The following PKD2 variants were observed in gnomAD, a reference collection of about 807,000 sequenced individuals.
PKD2 encodes the protein polycystin 2, transient receptor potential cation channel.
PKD2 carries 48 observed loss-of-function variants against 105.9 expected under a neutral mutation model. The ratio of observed to expected loss-of-function variants is 0.45; its 90% CI spans 0.36 to 0.58. The LOEUF (loss-of-function observed/expected upper bound fraction) is 0.58. Ranked by LOEUF, PKD2 falls within the 20% of genes least tolerant of loss-of-function variation. The probability of loss-of-function intolerance (pLI) is 0.00; values close to 1 mark genes in which losing one functional copy is unlikely to be tolerated. For synonymous variants in PKD2, 464 were observed against 481.1 expected (o/e 0.96, Z 0.46); for missense variants, 1,078 against 1,255.3 (o/e 0.86, Z 2.13).
chr4:88,018,661 G>A (rs768863037), intron 1 of PKD2, among the ~76,000 whole-genome samples: 28 of 152,170 alleles, frequency 1.8e-4, no homozygotes, highest in Non-Finnish European at 2.9e-4. Context: ...CCAAAACTGC[G>A]GTCACTCTCT....
chr4:88,043,510 C>T (rs910773467), intron 5 of PKD2, 53 bp downstream of exon 5: 29 of 1,312,484 alleles, frequency 2.2e-5, no homozygotes, highest in Non-Finnish European at 3.2e-5. Flanking sequence ...GTACATACAT[C>T]CTATTCTGGG....
intron 2 of PKD2, among the ~76,000 whole-genome samples, chr4:88,025,715 T>C (rs1329896117): frequency 6.6e-6 from 1 of 152,226 alleles, no homozygotes; most frequent in Non-Finnish European, 1.5e-5. Flanking sequence ...TCATCTCCAA[T>C]TGTAATCCCC....
At chr4:88,064,780 C>G (rs949743450) in intron 10 of PKD2, among the ~76,000 whole-genome samples, 13 of 151,734 alleles carry the variant, frequency 8.6e-5, no homozygotes, top group African/African-American at 3.1e-4. Flanking sequence ...GTCCCAGCTA[C>G]TTGTTGGGGG....
chr4:88,024,984 C>T lies in PKD2; in HGVS notation c.709+5413C>T, dbSNP rs190906469. On this transcript the variant is annotated intron_variant, in intron 2 of 14. Coordinates refer to ENST00000237596, the MANE Select transcript of PKD2 (RefSeq NM_000297.4). ...CCCATCTCTACTAAAAATACAAAAA[C>T]TAGCCAGGCGTGGTGGCAGGTGCCT... Among the ~76,000 whole-genome samples the T allele has an allele frequency of 2.5e-3, 374 of 151,948 alleles. 3 individuals are homozygous for T. Among genetic ancestry groups the T allele is most frequent in the African/African-American group, 8.7e-3 (359 of 41,476 alleles).
chr4:88,074,433 C>T (rs1721151697), intron 13 of PKD2, among the ~76,000 whole-genome samples: 1 of 152,176 alleles, frequency 6.6e-6, no homozygotes, highest in African/African-American at 2.4e-5. Flanking sequence ...CCATCATGCC[C>T]TACCCCCCCA....
chr4:88,051,190 G>A (rs144071961), intron 6 of PKD2, among the ~76,000 whole-genome samples: 1 of 152,078 alleles, frequency 6.6e-6, no homozygotes, highest in Non-Finnish European at 1.5e-5. Flanking sequence ...TTAAGGGACA[G>A]AAATGAGCAA....
At chr4:88,020,132 ATACAGTATCACCATTAT>A (rs1197844190) in intron 2 of PKD2, among the ~76,000 whole-genome samples, 2 of 152,218 alleles carry the variant, frequency 1.3e-5, no homozygotes, top group Non-Finnish European at 2.9e-5. Context: ...TTAACAATGA[ATACAGTATCACCATTAT>A]TACAGTATCA....
At chr4:88,070,434 C>T (rs926910425) in intron 13 of PKD2, among the ~76,000 whole-genome samples, 14 of 151,594 alleles carry the variant, frequency 9.2e-5, no homozygotes, top group East Asian at 7.7e-4. Flanking sequence ...CTCTGTTCGT[C>T]GTCATTTTTT....
At chr4:88,018,301 T>G (rs574033611) in intron 1 of PKD2, among the ~76,000 whole-genome samples, 40 of 152,300 alleles carry the variant, frequency 2.6e-4, no homozygotes, top group African/African-American at 9.4e-4. Flanking sequence ...AACTTACATA[T>G]TATTATAAGA....
At chr4:88,034,366 GA>G (rs1727260360) in intron 2 of PKD2, among the ~76,000 whole-genome samples, 1 of 151,928 alleles carries the variant, frequency 6.6e-6, no homozygotes, top group Non-Finnish European at 1.5e-5. Flanking sequence ...AATTTCCTAT[GA>G]TGCTTGAAAG....
intron 13 of PKD2, among the ~76,000 whole-genome samples, chr4:88,069,863 T>C (rs999893126): frequency 2.6e-5 from 4 of 152,192 alleles, no homozygotes; most frequent in Non-Finnish European, 5.9e-5. Context: ...CCTATTATTG[T>C]CAAATATATT....
chr4:88,063,487 T>C (rs902117682), intron 10 of PKD2, among the ~76,000 whole-genome samples: 1 of 149,452 alleles, frequency 6.7e-6, no homozygotes, highest in Non-Finnish European at 1.5e-5. Flanking sequence ...GCCGAGATCG[T>C]GCCATTGCAC....
intron 8 of PKD2, among the ~76,000 whole-genome samples, chr4:88,056,717 A>G (rs1353817802): frequency 6.6e-6 from 1 of 152,180 alleles, no homozygotes; most frequent in South Asian, 2.1e-4. Context: ...TTTTTTTTCC[A>G]AAGATCCCAA....
At chr4:88,037,968 C>A (rs965728849) in intron 3 of PKD2, among the ~76,000 whole-genome samples, 6 of 152,162 alleles carry the variant, frequency 3.9e-5, no homozygotes, top group Non-Finnish European at 8.8e-5. Context: ...AAAATCAGAG[C>A]TGCCACGTAT....
chr4:88,029,614 C>T (rs142189248), intron 2 of PKD2, among the ~76,000 whole-genome samples: 1 of 152,058 alleles, frequency 6.6e-6, no homozygotes, highest in Non-Finnish European at 1.5e-5. Flanking sequence ...GCTCTTGTCC[C>T]TATTTTAATC....
chr4:88,044,467 T>C (rs994817190), intron 5 of PKD2, among the ~76,000 whole-genome samples: 17 of 152,232 alleles, frequency 1.1e-4, no homozygotes, highest in Admixed American at 6.5e-5. Flanking sequence ...GTCCCAGTCC[T>C]TGTATTTAAC....
intron 7 of PKD2, among the ~76,000 whole-genome samples, chr4:88,053,182 C>T (rs376764367): frequency 6.6e-6 from 1 of 152,190 alleles, no homozygotes; most frequent in East Asian, 1.9e-4. Flanking sequence ...ATTAAAAACG[C>T]AGTTCCTTGG....
chr4:88,040,924 CAGGCATGTTCCCATTGCT>C (rs1265101473), intron 4 of PKD2, among the ~76,000 whole-genome samples: 5 of 152,244 alleles, frequency 3.3e-5, no homozygotes, highest in African/African-American at 1.2e-4. Context: ...AACAATGTGC[CAGGCATGTTCCCATTGCT>C]AGAAGTCCCC....
At chr4:88,051,139 C>T (rs936515965) in intron 6 of PKD2, among the ~76,000 whole-genome samples, 1 of 152,092 alleles carries the variant, frequency 6.6e-6, no homozygotes, top group African/African-American at 2.4e-5. Flanking sequence ...GATTGTAAAG[C>T]TTAGAACCAA....
Sources: gnomAD v4.1 joint callset for allele counts (sites outside exome capture counted in the v4.1 genomes callset) on GRCh38, gnomAD v4.1.1 for gene constraint, MANE v1.5 for transcripts, NCBI Gene and HGNC (gene_info 2026-07-23, HGNC 2026-07-21) for gene names.